Variants in MAGI1 observed in about 807,000 individuals in gnomAD.
MAGI1 encodes membrane associated guanylate kinase, WW and PDZ domain containing 1.
MAGI1 carries 58 observed loss-of-function variants against 139.9 expected under a neutral mutation model. The ratio of observed to expected loss-of-function variants is 0.41; its 90% CI spans 0.34 to 0.52. The LOEUF is 0.52. MAGI1 is among the 20% of genes least tolerant of loss of function. The pLI is 0.12. For missense variants in MAGI1, 1,874 were observed against 1,901.6 expected, an observed-to-expected ratio of 0.99 and a Z score of 0.27; for synonymous variants, 812 against 737.9, an observed-to-expected ratio of 1.10 and a Z score of -1.63.
chr3:65,511,630 T>C (rs1437359225), intron 2 of MAGI1, among the ~76,000 whole-genome samples: 45 of 138,612 alleles, frequency 3.2e-4, no homozygotes, highest in Non-Finnish European at 7.8e-5. Context: ...ATGCACCCAA[T>C]ACAGGAGCAC....
intron 1 of MAGI1, among the ~76,000 whole-genome samples, chr3:65,818,052 G>GTGTGTC: frequency 6.6e-6 from 1 of 151,932 alleles, no homozygotes; most frequent in East Asian, 1.9e-4. Context: ...GAGTGTGTGT[G>GTGTGTC]TGTGTGTGTG....
At chr3:65,482,840 G>A (rs561622985) in intron 3 of MAGI1, among the ~76,000 whole-genome samples, 10 of 152,356 alleles carry the variant, frequency 6.6e-5, no homozygotes, top group Non-Finnish European at 1.5e-4. Context: ...TTGACAAACT[G>A]TAAAGTCTGG....
chr3:65,548,798 C>T (rs1452075922), intron 2 of MAGI1, among the ~76,000 whole-genome samples: 4 of 152,136 alleles, frequency 2.6e-5, no homozygotes, highest in South Asian at 2.1e-4. Context: ...ACTGGGATTA[C>T]AGGTGTAAGC....
At chr3:65,709,581 G>A (rs1303793827) in intron 1 of MAGI1, among the ~76,000 whole-genome samples, 4 of 152,286 alleles carry the variant, frequency 2.6e-5, no homozygotes, top group Admixed American at 6.5e-5. Context: ...AACAGGAAAC[G>A]TCAGTAGTCT....
At chr3:65,706,281 C>T (rs1017791095) in intron 1 of MAGI1, among the ~76,000 whole-genome samples, 1 of 152,220 alleles carries the variant, frequency 6.6e-6, no homozygotes, top group African/African-American at 2.4e-5. Context: ...AAAAAATGCT[C>T]TGAAATAGCA....
intron 1 of MAGI1, among the ~76,000 whole-genome samples, chr3:65,652,455 G>A (rs73127868): frequency 6.6e-6 from 1 of 152,032 alleles, no homozygotes; most frequent in Non-Finnish European, 1.5e-5. Flanking sequence ...GGCACCCCTG[G>A]TCTCTGTCCA....
At chr3:65,583,383 G>C (rs1302038642) in intron 2 of MAGI1, among the ~76,000 whole-genome samples, 1 of 152,196 alleles carries the variant, frequency 6.6e-6, no homozygotes, top group Non-Finnish European at 1.5e-5. Flanking sequence ...CTATGTTACA[G>C]TGGGAGAGGG....
chr3:65,662,966 G>T (rs1176295863), intron 1 of MAGI1, among the ~76,000 whole-genome samples: 1 of 152,094 alleles, frequency 6.6e-6, no homozygotes, highest in East Asian at 1.9e-4. Context: ...TCAGTTGTGA[G>T]CAGGGCATGG....
At chr3:65,426,942 T>C (rs1241450897) in intron 12 of MAGI1, among the ~76,000 whole-genome samples, 1 of 152,226 alleles carries the variant, frequency 6.6e-6, no homozygotes, top group Non-Finnish European at 1.5e-5. Flanking sequence ...ATTTTTCATA[T>C]AAATGTTATA....
chr3:65,675,740 CAAT>C (rs1024283900), intron 1 of MAGI1, among the ~76,000 whole-genome samples: 8 of 152,256 alleles, frequency 5.3e-5, no homozygotes, highest in African/African-American at 1.9e-4. Flanking sequence ...CAAACAACAA[CAAT>C]AACAAAACTG....
chr3:65,909,318 A>G (rs1275887410), intron 1 of MAGI1, among the ~76,000 whole-genome samples: 2 of 151,920 alleles, frequency 1.3e-5, no homozygotes, highest in African/African-American at 2.4e-5. Context: ...TGAGCCCAGG[A>G]GTTCAAGATC....
chr3:65,400,273 G>A (rs990249447), intron 13 of MAGI1, among the ~76,000 whole-genome samples: 4 of 152,252 alleles, frequency 2.6e-5, no homozygotes, highest in South Asian at 4.1e-4. Context: ...CTATGCCATC[G>A]GAATCACATC....
At chr3:65,933,830 C>T (rs915394652) in intron 1 of MAGI1, among the ~76,000 whole-genome samples, 1 of 152,144 alleles carries the variant, frequency 6.6e-6, no homozygotes, top group African/African-American at 2.4e-5. Context: ...GTATTATAAA[C>T]ATATCCCCAT....
At chr3:65,494,785 G>A (rs559445021) in intron 2 of MAGI1, among the ~76,000 whole-genome samples, 12 of 152,230 alleles carry the variant, frequency 7.9e-5, no homozygotes, top group South Asian at 4.1e-4. Context: ...GTGAATAACC[G>A]CATCCACACC....
intron 1 of MAGI1, among the ~76,000 whole-genome samples, chr3:65,746,724 A>G (rs1325188198): frequency 6.6e-6 from 1 of 152,168 alleles, no homozygotes; most frequent in Non-Finnish European, 1.5e-5. Flanking sequence ...GAAATAAACT[A>G]TATTCAAGCC....
At chr3:65,591,975 C>T (rs542883979) in intron 2 of MAGI1, among the ~76,000 whole-genome samples, 1 of 152,276 alleles carries the variant, frequency 6.6e-6, no homozygotes, top group South Asian at 2.1e-4. Flanking sequence ...CTTTTTCCCT[C>T]GTATAATGTC....
intron 1 of MAGI1, among the ~76,000 whole-genome samples, chr3:66,004,255 A>C (rs2107462230): frequency 6.6e-6 from 1 of 152,292 alleles, no homozygotes; most frequent in East Asian, 1.9e-4. Flanking sequence ...AGTCAGACAG[A>C]AATGGGGACA....
chr3:65,772,156 A>G (rs762862482), intron 1 of MAGI1, among the ~76,000 whole-genome samples: 5 of 152,174 alleles, frequency 3.3e-5, no homozygotes, highest in Non-Finnish European at 7.3e-5. Flanking sequence ...AGATCATGCC[A>G]CTGCACTCCA....
chr3:65,758,149 A>C (rs916190185), intron 1 of MAGI1, among the ~76,000 whole-genome samples: 4 of 152,222 alleles, frequency 2.6e-5, no homozygotes, highest in Non-Finnish European at 5.9e-5. Context: ...TAAATCTCCC[A>C]GTCCTAGTTG....
Sources: allele counts gnomAD v4.1 joint callset (sites outside exome capture counted in the v4.1 genomes callset), GRCh38; gene constraint gnomAD v4.1.1; transcripts MANE v1.5; gene names NCBI Gene and HGNC (gene_info 2026-07-23, HGNC 2026-07-21).